NRXN3: variants seen among roughly 807,000 people sequenced by gnomAD.
NRXN3 encodes neurexin 3, also known as neurexin III.
NRXN3 carries 32 observed loss-of-function variants against 137.6 expected under a neutral mutation model. The observed-to-expected ratio is 0.23, with a 90% CI of 0.18 to 0.31. NRXN3 has a LOEUF of 0.31. NRXN3 is among the 10% of genes least tolerant of loss of function. NRXN3 has a pLI of 1.00. For missense variants in NRXN3, 1,574 were observed against 2,062.5 expected (o/e 0.76, Z 4.59); for synonymous variants, 798 against 784.5 (o/e 1.02, Z -0.29).
At chr14:79,759,441 A>T (rs1375834847) in intron 19 of NRXN3, among the ~76,000 whole-genome samples, 1 of 151,520 alleles carries the variant, frequency 6.6e-6, no homozygotes, top group Non-Finnish European at 1.5e-5. Context: ...TATTCAGAGT[A>T]AATAAAAAAA....
intron 4 of NRXN3, among the ~76,000 whole-genome samples, chr14:78,367,771 T>C (rs1212723688): frequency 6.6e-6 from 1 of 152,192 alleles, no homozygotes; most frequent in Non-Finnish European, 1.5e-5. Context: ...TGATTTCATT[T>C]AGATTTCCCC....
chr14:79,064,752 T>A (rs1428018749), intron 15 of NRXN3, among the ~76,000 whole-genome samples: 1 of 141,272 alleles, frequency 7.1e-6, no homozygotes, highest in African/African-American at 2.5e-5. Flanking sequence ...TATATATATA[T>A]AATTACCCAT....
chr14:78,475,710 T>A (rs1425010715), intron 4 of NRXN3, among the ~76,000 whole-genome samples: 4 of 152,198 alleles, frequency 2.6e-5, no homozygotes, highest in Non-Finnish European at 4.4e-5. Flanking sequence ...CACCTGGGAA[T>A]GTCAGGGTGG....
intron 4 of NRXN3, among the ~76,000 whole-genome samples, chr14:78,607,469 A>C (rs1273872656): frequency 6.6e-6 from 1 of 152,170 alleles, no homozygotes; most frequent in African/African-American, 2.4e-5. Context: ...CCTTTGGCTC[A>C]GTCCTCTCCT....
intron 4 of NRXN3, among the ~76,000 whole-genome samples, chr14:78,374,600 A>G (rs1036026778): frequency 1.3e-5 from 2 of 151,914 alleles, no homozygotes; most frequent in Admixed American, 6.6e-5. Context: ...GTGAAACCCC[A>G]TCTCTACTAA....
intron 8 of NRXN3, among the ~76,000 whole-genome samples, chr14:78,798,263 C>T (rs1398097590): frequency 1.3e-5 from 2 of 152,160 alleles, no homozygotes; most frequent in Non-Finnish European, 2.9e-5. Context: ...TAAATATAGC[C>T]ATTCCAAAGG....
At chr14:78,969,435 CT>C (rs1317502722) in intron 14 of NRXN3, among the ~76,000 whole-genome samples, 1 of 152,148 alleles carries the variant, frequency 6.6e-6, no homozygotes, top group African/African-American at 2.4e-5. Context: ...TAATTATTTC[CT>C]TTTTTTCTTT....
intron 16 of NRXN3, among the ~76,000 whole-genome samples, chr14:79,574,211 C>T (rs1388847847): frequency 6.7e-6 from 1 of 149,770 alleles, no homozygotes; most frequent in Non-Finnish European, 1.5e-5. Context: ...TCCAAATATG[C>T]GTGCATGCAC....
chr14:79,203,669 G>A (rs1041200114), intron 15 of NRXN3, among the ~76,000 whole-genome samples: 1 of 152,188 alleles, frequency 6.6e-6, no homozygotes, highest in African/African-American at 2.4e-5. Context: ...GATTCAAAAT[G>A]TGTGCTAAAG....
intron 16 of NRXN3, among the ~76,000 whole-genome samples, chr14:79,495,649 G>A (rs182384737): frequency 1.6e-3 from 248 of 152,224 alleles, no homozygotes; most frequent in Admixed American, 3.9e-4. Flanking sequence ...TGTGATGTAG[G>A]ACTGATTATT....
chr14:79,126,661 A>G (rs1341597025), intron 15 of NRXN3, among the ~76,000 whole-genome samples: 3 of 151,988 alleles, frequency 2.0e-5, no homozygotes, highest in African/African-American at 7.2e-5. Flanking sequence ...TTATAGCAGC[A>G]TGATTTATAG....
intron 10 of NRXN3, among the ~76,000 whole-genome samples, chr14:78,861,303 T>TA (rs1387196044): frequency 2.6e-5 from 4 of 152,178 alleles, no homozygotes; most frequent in Non-Finnish European, 1.5e-5. Context: ...ATTTTAGGAA[T>TA]ATTTGTATCT....
intron 15 of NRXN3, among the ~76,000 whole-genome samples, chr14:79,353,591 A>G (rs1212296598): frequency 6.6e-6 from 1 of 152,196 alleles, no homozygotes; most frequent in African/African-American, 2.4e-5. Context: ...CATGAGGCTC[A>G]GTGTTCTATC....
intron 16 of NRXN3, among the ~76,000 whole-genome samples, chr14:79,605,819 T>C (rs186486067): frequency 5.3e-5 from 8 of 152,240 alleles, no homozygotes; most frequent in African/African-American, 1.9e-4. Flanking sequence ...CCATCACTGG[T>C]ACAACACCCT....
At chr14:78,801,460 C>CG (rs375772361) in intron 8 of NRXN3, among the ~76,000 whole-genome samples, 39 of 152,138 alleles carry the variant, frequency 2.6e-4, no homozygotes, top group African/African-American at 9.2e-4. Context: ...TTTCACAAGG[C>CG]GGCAGGAGAG....
intron 4 of NRXN3, among the ~76,000 whole-genome samples, chr14:78,434,023 C>T (rs895710448): frequency 3.9e-5 from 6 of 152,176 alleles, no homozygotes; most frequent in South Asian, 2.1e-4. Context: ...GCCCAGCCTA[C>T]GTTAAACATG....
At chr14:78,971,189 T>A (rs1014709135) in intron 14 of NRXN3, among the ~76,000 whole-genome samples, 1 of 152,010 alleles carries the variant, frequency 6.6e-6, no homozygotes, top group Non-Finnish European at 1.5e-5. Flanking sequence ...CTGGAGACAC[T>A]GCAAAAAGGC....
chr14:79,675,712 C>T (rs1019251951), intron 17 of NRXN3, among the ~76,000 whole-genome samples: 3 of 152,010 alleles, frequency 2.0e-5, no homozygotes, highest in African/African-American at 7.2e-5. Context: ...ACAGGCACTC[C>T]ATTTACGTAT....
chr14:79,166,552 G>GT lies in NRXN3; in HGVS notation c.3262+178420dup, dbSNP rs983462925. Among the ~76,000 whole-genome samples, 18 of 148,670 alleles carry GT rather than the reference G, an allele frequency of 1.2e-4. No homozygotes were observed. In the South Asian group the frequency reaches 1.5e-3, roughly 12 times the overall value. ...CTCATTTTTTGTTTAATTTTGTTTA[G>GT]TTTTTTTTTCTTGTCCAGAGGAATG... is the stretch of plus-strand genomic sequence containing the variant. On this transcript the variant is annotated intron_variant, in intron 15 of 20. Coordinates refer to ENST00000335750, the MANE Select transcript of NRXN3 (RefSeq NM_001330195.2).
Sources: allele counts gnomAD v4.1 joint callset (sites outside exome capture counted in the v4.1 genomes callset), GRCh38; gene constraint gnomAD v4.1.1; transcripts MANE v1.5; gene names NCBI Gene and HGNC (gene_info 2026-07-23, HGNC 2026-07-21).